Variants in CARS2 observed in about 807,000 individuals in gnomAD.
CARS2 encodes cysteinyl-tRNA synthetase 2, mitochondrial, also known as probable cysteine--tRNA ligase, mitochondrial.
CARS2 carries 52 observed loss-of-function variants against 68.8 expected under a neutral mutation model. The ratio of observed to expected loss-of-function variants is 0.76; its 90% CI spans 0.61 to 0.95. The LOEUF is 0.95. Among genes scored for constraint, CARS2 ranks in the 40% least tolerant of loss-of-function variants. CARS2 has a pLI of 0.00. For missense variants in CARS2, 780 were observed against 754.2 expected, an observed-to-expected ratio of 1.03 and a Z score of -0.40; for synonymous variants, 314 against 303.6, an observed-to-expected ratio of 1.03 and a Z score of -0.36.
Position 110,642,190 on chromosome 13 carries a change from A to G in CARS2, c.1623+125T>C, listed in dbSNP as rs1333676570. The G allele has an allele frequency of 1.2e-5, 9 of 739,086 alleles. No individual in the cohort carries two copies. The East Asian group carries it at 2.4e-4, about 20-fold the overall frequency. 45.8% of individuals were successfully genotyped at this position (739,086 alleles called of 1,614,324 possible). ...CCATTGCACTCCAGCCTGGGTGACA[A>G]GAGTGAAACTCCGTCTCAAAAAAAA... On this transcript the variant is annotated intron_variant, in intron 14 of 14. Coordinates refer to ENST00000257347, the MANE Select transcript of CARS2 (RefSeq NM_024537.4).
At chr13:110,680,147 AGG>A (rs56104854) in intron 6 of CARS2, among the ~76,000 whole-genome samples, 7 of 122,854 alleles carry the variant, frequency 5.7e-5, no homozygotes, top group African/African-American at 1.6e-4. Context: ...TGGGAGGCCG[AGG>A]GGGGGGGGGG....
At chr13:110,677,787 C>G (rs180933645) in intron 6 of CARS2, 189 of 153,798 alleles carry the variant, frequency 1.2e-3, no homozygotes, top group Non-Finnish European at 1.6e-3. Flanking sequence ...CACGGACACG[C>G]AGACAGTCAC....
At chr13:110,703,557 CT>C (rs1201822252) in intron 2 of CARS2, among the ~76,000 whole-genome samples, 1 of 152,250 alleles carries the variant, frequency 6.6e-6, no homozygotes, top group African/African-American at 2.4e-5. Context: ...CAAATTTAAA[CT>C]GCAAGACTTG....
chr13:110,693,449 A>T (rs2063533050), intron 3 of CARS2, among the ~76,000 whole-genome samples: 2 of 151,822 alleles, frequency 1.3e-5, no homozygotes, highest in East Asian at 1.9e-4. Flanking sequence ...AAGCTCTGCC[A>T]CCCAGGTTCA....
chr13:110,679,781 T>C (rs796263374), intron 6 of CARS2, among the ~76,000 whole-genome samples: 8 of 152,072 alleles, frequency 5.3e-5, no homozygotes, highest in African/African-American at 1.9e-4. Context: ...CCATATCAGA[T>C]AGACAGCCAC....
At chr13:110,675,255 A>G (rs1027184522) in intron 7 of CARS2, among the ~76,000 whole-genome samples, 16 of 152,250 alleles carry the variant, frequency 1.1e-4, no homozygotes, top group Admixed American at 3.9e-4. Flanking sequence ...AGACACATGC[A>G]CACGTATGTT....
At chr13:110,712,935 A>G in intron 1 of CARS2, 1 of 1,557,382 alleles carries the variant, frequency 6.4e-7, no homozygotes, top group South Asian at 1.2e-5. Flanking sequence ...CAGGCGCGGG[A>G]GCCGCCTAGG....
intron 9 of CARS2, 148 bp downstream of exon 9, chr13:110,663,303 G>C: frequency 1.3e-6 from 1 of 742,402 alleles, no homozygotes. Flanking sequence ...ACTTAAAGTG[G>C]GAGGGAGGTG....
In CARS2 at chr13:110,647,574, G is replaced by C. The variant is rs549922989; in HGVS notation, c.1055-335C>G. On this transcript the variant is annotated intron_variant, in intron 10 of 14. Coordinates refer to ENST00000257347, the MANE Select transcript of CARS2 (RefSeq NM_024537.4). Reference sequence around the variant, plus strand: ...GAAAGAAGGAGCCCCGCCCTGGATGGATGGAGGTGCGGATGAATGGCTAGC... The same window carrying C: ...GAAAGAAGGAGCCCCGCCCTGGATGCATGGAGGTGCGGATGAATGGCTAGC... Among the ~76,000 whole-genome samples the C allele has an allele frequency of 2.6e-5, 4 of 152,240 alleles. No homozygotes were observed. The East Asian group carries it at 7.7e-4, about 29-fold the overall frequency.
At chr13:110,678,586 A>C (rs1041818671) in intron 6 of CARS2, among the ~76,000 whole-genome samples, 1 of 152,226 alleles carries the variant, frequency 6.6e-6, no homozygotes, top group African/African-American at 2.4e-5. Flanking sequence ...AGCAAACAGA[A>C]CAATTCCTAC....
intron 5 of CARS2, 96 bp from the exon 6 acceptor site, chr13:110,683,230 C>T (rs1219625327): frequency 1.3e-6 from 1 of 754,074 alleles, no homozygotes; most frequent in Non-Finnish European, 2.0e-6. Context: ...AATTTAAATA[C>T]AGAACATAGC....
chr13:110,682,949 G>T, intron 6 of CARS2, 102 bp downstream of exon 6: 1 of 668,842 alleles, frequency 1.5e-6, no homozygotes. Context: ...TAAGGCCAGT[G>T]TCTGAGCAAG....
At chr13:110,700,793 T>C (rs1306178653) in intron 3 of CARS2, among the ~76,000 whole-genome samples, 1 of 152,134 alleles carries the variant, frequency 6.6e-6, no homozygotes, top group Non-Finnish European at 1.5e-5. Flanking sequence ...GTTCCCTCAG[T>C]AAAGAGAAAG....
At chr13:110,657,987 C>A (rs1314220034) in intron 9 of CARS2, among the ~76,000 whole-genome samples, 2 of 152,180 alleles carry the variant, frequency 1.3e-5, no homozygotes, top group Non-Finnish European at 2.9e-5. Flanking sequence ...CTTTAACCCT[C>A]ACTTCCCGTG....
At chr13:110,669,414 G>C (rs930993585) in intron 7 of CARS2, among the ~76,000 whole-genome samples, 5 of 152,162 alleles carry the variant, frequency 3.3e-5, no homozygotes, top group African/African-American at 1.2e-4. Flanking sequence ...AGGTTTCGAG[G>C]TGACTGGATT....
At chr13:110,661,978 T>C (rs2062514466) in intron 9 of CARS2, among the ~76,000 whole-genome samples, 1 of 152,196 alleles carries the variant, frequency 6.6e-6, no homozygotes, top group Admixed American at 6.5e-5. Context: ...TGAGAAACTT[T>C]GAAATATTGC....
At position 110,642,488 on chromosome 13, in the gene CARS2, G is replaced by A. The variant is rs758180871; in HGVS notation, c.1450C>T (p.His484Tyr). ...CGCACCAGCTCGTCCACCACACCAT[G>A]CAAGGTAGCCTCGCTGCCGTCTCCT... The part of the protein sequence containing the change: ...VSGDGSEATL[H>Y]GVVDELVRFR... The change falls in exon 14 of 15, where the codon CAT becomes TAT. Residue 484 changes from histidine to tyrosine, a missense_variant. Physicochemically the swap from His to Tyr is moderately conservative, Grantham distance 83 (BLOSUM62 2). Transcript: ENST00000257347. 3 of 1,609,998 alleles carry A rather than the reference G, an allele frequency of 1.9e-6. No individual in the cohort carries two copies. The highest frequency in any genetic ancestry group is 2.5e-6 in the Non-Finnish European group (3 of 1,178,624).
chr13:110,698,128 G>T (rs1053982480), intron 3 of CARS2, among the ~76,000 whole-genome samples: 2 of 152,156 alleles, frequency 1.3e-5, no homozygotes, highest in African/African-American at 2.4e-5. Context: ...GGGTGTGACG[G>T]GAGGTTAAAG....
In CARS2 at chr13:110,700,656, C is replaced by T. The variant is rs140947532; in HGVS notation, c.393+782G>A. Among the ~76,000 whole-genome samples the T allele has an allele frequency of 8.3e-3, 1,271 of 152,350 alleles. 13 individuals carry two copies. The highest frequency in any genetic ancestry group is 0.029 in the African/African-American group (1,208 of 41,588). Reference sequence around the variant, plus strand: ...AAAAAGCACAATAAGGTCTGCTCTGCGCAGCACACAGGGTTGTTCTGAGAC... The same window carrying T: ...AAAAAGCACAATAAGGTCTGCTCTGTGCAGCACACAGGGTTGTTCTGAGAC... On this transcript the variant is annotated intron_variant, in intron 3 of 14. Coordinates refer to ENST00000257347, the MANE Select transcript of CARS2 (RefSeq NM_024537.4).
Sources: gnomAD v4.1 joint callset for allele counts (sites outside exome capture counted in the v4.1 genomes callset) on GRCh38, gnomAD v4.1.1 for gene constraint, MANE v1.5 for transcripts, NCBI Gene and HGNC (gene_info 2026-07-23, HGNC 2026-07-21) for gene names.